The following PNPLA8 variants were observed in gnomAD, a reference collection of about 807,000 sequenced individuals.
PNPLA8 encodes the protein calcium-independent phospholipase A2-gamma.
A neutral mutation model predicts 76.9 loss-of-function variants in PNPLA8; 39 were observed. The observed-to-expected ratio is 0.51, with a 90% confidence interval of 0.39 to 0.66. PNPLA8 has a LOEUF of 0.66. PNPLA8 is among the 30% of genes least tolerant of loss of function. The probability of loss-of-function intolerance (pLI) is 0.00; values close to 1 mark genes in which losing one functional copy is unlikely to be tolerated. For synonymous variants in PNPLA8, 301 were observed against 307.9 expected, an observed-to-expected ratio of 0.98 and a Z score of 0.24; for missense variants, 887 against 918.0, an observed-to-expected ratio of 0.97 and a Z score of 0.44.
chr7:108,502,790 G>T, intron 4 of PNPLA8, 148 bp from the exon 5 acceptor site: 1 of 460,660 alleles, frequency 2.2e-6, no homozygotes. Flanking sequence ...AGACAGATTA[G>T]TTTTTGATAT....
At chr7:108,489,693 T>C (rs558437243) in intron 8 of PNPLA8, among the ~76,000 whole-genome samples, 3 of 152,202 alleles carry the variant, frequency 2.0e-5, no homozygotes, top group Non-Finnish European at 4.4e-5. Flanking sequence ...ACTTGCAGAA[T>C]GAATCAAAGT....
At chr7:108,502,375 A>C in intron 5 of PNPLA8, 116 bp downstream of exon 5, 1 of 805,948 alleles carries the variant, frequency 1.2e-6, no homozygotes, top group Non-Finnish European at 1.8e-6. Context: ...CCTGGGAGGC[A>C]GAGGTTGCAG....
chr7:108,491,948 T>C (rs533182006), intron 7 of PNPLA8, among the ~76,000 whole-genome samples: 3 of 152,350 alleles, frequency 2.0e-5, no homozygotes, highest in African/African-American at 7.2e-5. Flanking sequence ...AAGCTTGTTT[T>C]AGTTGGTAAC....
chr7:108,472,361 TA>T lies in PNPLA8; in HGVS notation c.*39del. 1 of 1,411,964 alleles carries T rather than the reference TA, an allele frequency of 7.1e-7. No individual in the cohort carries two copies. Among genetic ancestry groups the T allele is most frequent in the Non-Finnish European group, 9.6e-7 (1 of 1,040,974 alleles). 87.5% of individuals were successfully genotyped at this position (1,411,964 alleles called of 1,614,324 possible). On this transcript the variant is annotated 3_prime_UTR_variant, in exon 11 of 11. Transcript: ENST00000257694. Reference sequence around the variant, plus strand: ...TCCTTATTGAATGTGGTTGATCTTCTAAACAGACCTTCATTTATGAGAACAT... The same window carrying T: ...TCCTTATTGAATGTGGTTGATCTTCTAACAGACCTTCATTTATGAGAACAT...
intron 5 of PNPLA8, 22 bp downstream of exon 5, chr7:108,502,469 A>AG (rs747781143): frequency 1.5e-5 from 21 of 1,387,522 alleles, no homozygotes; most frequent in Non-Finnish European, 1.8e-5. Context: ...AAAAAAAAAA[A>AG]GAATCATGTT....
chr7:108,511,767 T>C (rs1235809629), intron 4 of PNPLA8, among the ~76,000 whole-genome samples: 1 of 152,136 alleles, frequency 6.6e-6, no homozygotes, highest in Non-Finnish European at 1.5e-5. Context: ...GGGTACAGGA[T>C]AAAGGGACAT....
In PNPLA8 at chr7:108,511,693, A is replaced by G. The variant is rs185469559; in HGVS notation, c.1206+2451T>C. Among the ~76,000 whole-genome samples, 168 of 152,344 alleles carry G rather than the reference A, an allele frequency of 1.1e-3. 1 individual carries two copies. Among genetic ancestry groups the G allele is most frequent in the Non-Finnish European group, 2.9e-4 (20 of 68,030 alleles). On this transcript the variant is annotated intron_variant, in intron 4 of 10. Transcript: ENST00000257694. ...TGACTTGGAGAAATAGTCAGATGCA[A>G]TGTGTGATCTAGACTGAACCCTCAT...
At position 108,497,573 on chromosome 7, in the gene PNPLA8, C is replaced by T. The variant is rs757097806; in HGVS notation, c.1363G>A (p.Val455Met). The change falls in exon 6 of 11, where the codon GTG becomes ATG. Residue 455 changes from valine to methionine, a missense_variant. Transcript: ENST00000257694. ...LSIDGGGTRG[V>M]VALQTLRKLV... ...TTTCGTAGGGTCTGGAGAGCAACCACGCCCCTACAGAAAAGATTAAAGACA... is the reference window on the plus strand; with the variant it reads ...TTTCGTAGGGTCTGGAGAGCAACCATGCCCCTACAGAAAAGATTAAAGACA... 34 of 1,573,754 alleles carry T rather than the reference C, an allele frequency of 2.2e-5. No individual in the cohort carries two copies. The highest frequency in any genetic ancestry group is 1.3e-4 in the Admixed American group (7 of 54,212).
rs1364183993 is a variant in PNPLA8, at chr7:108,470,490, A to C, written c.*1911T>G. ...ACAAATAAGGGACATACTTAACTTC[A>C]GCTGTAAAACAGATGAACTACATCA... On this transcript the variant is annotated 3_prime_UTR_variant, in exon 11 of 11. Transcript: ENST00000257694. 1 of 152,174 alleles carries C rather than the reference A, an allele frequency of 6.6e-6. No individual in the cohort carries two copies. Among genetic ancestry groups the C allele is most frequent in the African/African-American group, 2.4e-5 (1 of 41,414 alleles). The allele number at this position is 152,174 out of a possible 1,614,324, so 9.4% of individuals were successfully genotyped here.
chr7:108,497,549 T>G lies in PNPLA8; in HGVS notation c.1387A>C (p.Lys463Gln). ...RGVVALQTLR[K>Q]LVELTQKPVH... ...GGCTTCTGAGTAAGTTCAACTAATT[T>G]TCGTAGGGTCTGGAGAGCAACCACG... Residue 463 changes from lysine to glutamine, a missense_variant, in exon 6 of 11, where the codon AAA (lysine) becomes CAA (glutamine). Coordinates refer to ENST00000257694, the MANE Select transcript of PNPLA8 (RefSeq NM_001256007.3). 1 of 1,612,080 alleles carries G rather than the reference T, an allele frequency of 6.2e-7. No homozygotes were observed. Among genetic ancestry groups the G allele is most frequent in the Middle Eastern group, 1.7e-4 (1 of 6,056 alleles).
At chr7:108,517,872 C>T (rs576970715) in intron 2 of PNPLA8, among the ~76,000 whole-genome samples, 16 of 152,266 alleles carry the variant, frequency 1.1e-4, no homozygotes, top group East Asian at 1.9e-4. Context: ...CTCCTGGGCT[C>T]GTGCAATCCA....
At chr7:108,507,102 G>C (rs2154516240) in intron 4 of PNPLA8, among the ~76,000 whole-genome samples, 1 of 152,148 alleles carries the variant, frequency 6.6e-6, no homozygotes, top group Non-Finnish European at 1.5e-5. Flanking sequence ...CAGCACTTTG[G>C]GCGGCCGAGG....
intron 5 of PNPLA8, among the ~76,000 whole-genome samples, chr7:108,500,813 A>C (rs1861881465): frequency 6.6e-6 from 1 of 152,074 alleles, no homozygotes; most frequent in Non-Finnish European, 1.5e-5. Context: ...GGGAGGCTAC[A>C]GCAGGAGAAC....
intron 4 of PNPLA8, among the ~76,000 whole-genome samples, chr7:108,512,405 T>G (rs1862999487): frequency 6.6e-6 from 1 of 152,174 alleles, no homozygotes; most frequent in Non-Finnish European, 1.5e-5. Flanking sequence ...AAAAACATAA[T>G]GAAAGGAGAC....
intron 4 of PNPLA8, chr7:108,510,924 A>G (rs1862873287): frequency 6.3e-7 from 1 of 1,584,332 alleles, no homozygotes; most frequent in Non-Finnish European, 8.6e-7. Context: ...GAAGGTGGAG[A>G]TGCTGGCAAC....
chr7:108,486,022 A>G (rs1032803229), intron 9 of PNPLA8, among the ~76,000 whole-genome samples: 4 of 152,112 alleles, frequency 2.6e-5, no homozygotes, highest in African/African-American at 9.6e-5. Flanking sequence ...GATTACGGTC[A>G]TCAATATAAA....
chr7:108,510,615 C>A lies in PNPLA8; in HGVS notation c.1206+3529G>T. 3 of 1,559,292 alleles carry A rather than the reference C, an allele frequency of 1.9e-6. No homozygotes were observed. In the South Asian group the frequency reaches 3.3e-5, roughly 17 times the overall value. On this transcript the variant is annotated intron_variant, in intron 4 of 10. Transcript: ENST00000257694. The stretch of plus-strand genomic sequence containing the variant: ...ACCTTTGTGAAGCTCAACAAGGCTT[C>A]GACTAACATGCTGAGGATTGTAGAG...
At chr7:108,512,094 C>T (rs1260175637) in intron 4 of PNPLA8, among the ~76,000 whole-genome samples, 1 of 152,178 alleles carries the variant, frequency 6.6e-6, no homozygotes, top group East Asian at 1.9e-4. Context: ...GACAACAGGA[C>T]AGGATCTAAG....
At chr7:108,497,456 G>T in intron 6 of PNPLA8, 27 bp downstream of exon 6, 1 of 1,365,674 alleles carries the variant, frequency 7.3e-7, no homozygotes, top group Non-Finnish European at 1.0e-6. Context: ...CTGCCAGAAT[G>T]CACCACTTCC....
Sources: gnomAD v4.1 joint callset for allele counts (sites outside exome capture counted in the v4.1 genomes callset) on GRCh38, gnomAD v4.1.1 for gene constraint, MANE v1.5 for transcripts, NCBI Gene and HGNC (gene_info 2026-07-23, HGNC 2026-07-21) for gene names.